COPZ2: variants seen among roughly 807,000 people sequenced by gnomAD.
COPZ2 encodes the protein coat protein complex I subunit zeta 2.
A neutral mutation model predicts 33.2 loss-of-function variants in COPZ2; 30 were observed. The ratio of observed to expected loss-of-function variants is 0.90; its 90% confidence interval spans 0.68 to 1.23. The LOEUF (loss-of-function observed/expected upper bound fraction) is 1.23. COPZ2 is among the 50% of genes most tolerant of loss of function. The probability of loss-of-function intolerance (pLI) is 0.00; values close to 1 mark genes in which losing one functional copy is unlikely to be tolerated. For synonymous variants in COPZ2, 89 were observed against 102.6 expected (o/e 0.87, Z 0.80); for missense variants, 263 against 262.4 (o/e 1.00, Z -0.02).
rs1344601842 is a variant in COPZ2 at position 48,032,225 on chromosome 17, A to T, written c.425T>A (p.Val142Glu). The T allele has an allele frequency of 6.2e-7, 1 of 1,612,210 alleles. No individual in the cohort carries two copies. The highest frequency in any genetic ancestry group is 8.5e-7 in the Non-Finnish European group (1 of 1,179,256). Residue 142 changes from valine (V) to glutamate (E), a missense_variant, in exon 6 of 9, where the codon GTG becomes GAG. Physicochemically the swap from Val to Glu is moderately radical, Grantham distance 121. Transcript: ENST00000621465. ...ESLNHMLRKN[V>E]EKRWLLENMD... ...GTTCTCCAGCAACCAGCGCTTCTCCACGTTCTTCCTGAAGGTGGACACAAG... is the reference window on the plus strand; with the variant it reads ...GTTCTCCAGCAACCAGCGCTTCTCCTCGTTCTTCCTGAAGGTGGACACAAG...
At chr17:48,033,625 TAG>T (rs1205681580) in intron 3 of COPZ2, among the ~76,000 whole-genome samples, 1 of 151,932 alleles carries the variant, frequency 6.6e-6, no homozygotes, top group Non-Finnish European at 1.5e-5. Flanking sequence ...CCTCCTCAGC[TAG>T]AGAGAGGCCT....
In COPZ2 at chr17:48,028,858, G is replaced by T. The variant is rs2036852008; in HGVS notation, c.546+267C>A. 6.6e-6 allele frequency among the ~76,000 whole-genome samples: 1 copy of T among 152,150 alleles called. No individual in the cohort carries two copies. Among genetic ancestry groups the T allele is most frequent in the Non-Finnish European group, 1.5e-5 (1 of 68,026 alleles). On this transcript the variant is annotated intron_variant, in intron 7 of 8. Transcript: ENST00000621465. The surrounding 1 kb of genome is among the most constrained non-coding windows in gnomAD (Gnocchi z 4.5). ...AGCCACCTAGTGCCTCTTTGAAGAT[G>T]TATTTATTTCCCCAGTCTATACTTC... is the stretch of plus-strand genomic sequence containing the variant.
chr17:48,037,560 TC>T lies in COPZ2; in HGVS notation c.111+106del. The T allele has an allele frequency of 1.0e-6, 1 of 971,746 alleles. No individual in the cohort carries two copies. Among genetic ancestry groups the T allele is most frequent in the Non-Finnish European group, 1.2e-6 (1 of 802,704 alleles). The allele number at this position is 971,746 out of a possible 1,614,324, so 60.2% of individuals were successfully genotyped here. The stretch of plus-strand genomic sequence containing the variant: ...GGGCCAGTCAGGGGTGACACAAAGT[TC>T]CCAGCCGCCGGGCGCGCGAGTTCTG... On this transcript the variant is annotated intron_variant, in intron 1 of 8. Transcript: ENST00000621465. This position sits in a 1 kb window ranked among gnomAD's most constrained non-coding sequence, Gnocchi z 5.6.
At chr17:48,044,784 A>C in the COPZ2 span, among the ~76,000 whole-genome samples, 1 of 151,998 alleles carries the variant, frequency 6.6e-6, no homozygotes, top group Non-Finnish European at 1.5e-5. Flanking sequence ...AAACTAATTG[A>C]TTTCTTTGCA....
At chr17:48,026,516 TCAA>T in intron 8 of COPZ2, 41 bp from the exon 9 acceptor site, 2 of 1,442,490 alleles carry the variant, frequency 1.4e-6, no homozygotes, top group Non-Finnish European at 2.0e-6. Flanking sequence ...ATTGAGAATG[TCAA>T]ATGCCTCCAT....
intron 2 of COPZ2, among the ~76,000 whole-genome samples, chr17:48,036,358 G>A (rs149800983): frequency 2.8e-4 from 43 of 152,330 alleles, no homozygotes; most frequent in Admixed American, 1.2e-3. Flanking sequence ...AACTCACTTA[G>A]CTTCTCTACC....
At chr17:48,038,357 C>T (rs1423332740), upstream of COPZ2, among the ~76,000 whole-genome samples, 1 of 152,188 alleles carries the variant, frequency 6.6e-6, no homozygotes, top group Non-Finnish European at 1.5e-5. Context: ...AGATATGGCA[C>T]CATCAGAAGC....
At chr17:48,030,405 G>A (rs1284620790) in intron 6 of COPZ2, among the ~76,000 whole-genome samples, 3 of 151,988 alleles carry the variant, frequency 2.0e-5, no homozygotes, top group African/African-American at 7.3e-5. Flanking sequence ...GCGCTCCTTC[G>A]TGAGGCCTTG....
chr17:48,029,207 A>T (rs2036856994), intron 6 of COPZ2, 31 bp from the exon 7 acceptor site: 1 of 1,554,716 alleles, frequency 6.4e-7, no homozygotes, highest in East Asian at 2.4e-5. Context: ...CCAGGAGGCA[A>T]ATCAGTGGCA....
At position 48,037,020 on chromosome 17, in the gene COPZ2, C is replaced by T. The variant is rs1477985390; in HGVS notation, c.112-95G>A. On this transcript the variant is annotated intron_variant, in intron 1 of 8. Coordinates refer to ENST00000621465, the MANE Select transcript of COPZ2 (RefSeq NM_016429.4). The surrounding 1 kb of genome is among the most constrained non-coding windows in gnomAD (Gnocchi z 5.6). ...CTGGCCCTAGGATACATCCTCAGGC[C>T]CCAGCAACCCCAGTCCTCAAGGTCC... is the stretch of plus-strand genomic sequence containing the variant. 9.4e-7 allele frequency: 1 copy of T among 1,064,360 alleles called. No homozygotes were observed. Among genetic ancestry groups the T allele is most frequent in the Non-Finnish European group, 1.5e-6 (1 of 688,370 alleles). 65.9% of individuals were successfully genotyped at this position (1,064,360 alleles called of 1,614,324 possible).
In COPZ2 at chr17:48,037,245, A is replaced by G; in HGVS notation, c.112-320T>C. 3.4e-6 allele frequency: 2 copies of G among 591,982 alleles called. No individual in the cohort carries two copies. Among genetic ancestry groups the G allele is most frequent in the East Asian group, 3.8e-5 (1 of 26,396 alleles). 36.7% of individuals were successfully genotyped at this position (591,982 alleles called of 1,614,324 possible). A position where few individuals can be genotyped will look rare whatever the true frequency, so the allele number is the denominator to read the frequency against. On this transcript the variant is annotated intron_variant, in intron 1 of 8. Coordinates refer to ENST00000621465, the MANE Select transcript of COPZ2 (RefSeq NM_016429.4). The surrounding 1 kb of genome is among the most constrained non-coding windows in gnomAD (Gnocchi z 5.6). ...TATCACAGAACCTGGGCCGGGGGGG[A>G]CAGCGGGCCGAGCCTCCTTCTTCCA...
the COPZ2 span, chr17:48,048,025 T>C: frequency 4.6e-5 from 7 of 152,422 alleles, no homozygotes; most frequent in Admixed American, 3.9e-4. Flanking sequence ...CCAACCTGGA[T>C]ACTTCACCCA....
rs151252314 is a variant in COPZ2, at chr17:48,031,419, G to A, written c.494+737C>T. Among the ~76,000 whole-genome samples, 9 of 149,286 alleles carry A rather than the reference G, an allele frequency of 6.0e-5. No homozygotes were observed. The East Asian group carries it at 1.8e-3, about 29-fold the overall frequency. On this transcript the variant is annotated intron_variant, in intron 6 of 8. Coordinates refer to ENST00000621465, the MANE Select transcript of COPZ2 (RefSeq NM_016429.4). ...GTGAGCCGAGATCACGCCACTTACTGCACACCAGCCTGGGTGACAGAGCGA... is the reference window on the plus strand; with the variant it reads ...GTGAGCCGAGATCACGCCACTTACTACACACCAGCCTGGGTGACAGAGCGA...
At chr17:48,047,109 C>T in the COPZ2 span, 1 of 152,022 alleles carries the variant, frequency 6.6e-6, no homozygotes, top group Non-Finnish European at 1.5e-5. Context: ...TGCAAACCAC[C>T]CCAAATTAAG....
intron 6 of COPZ2, chr17:48,029,455 G>C (rs896278520): frequency 4.0e-6 from 2 of 497,672 alleles, no homozygotes; most frequent in Admixed American, 4.1e-5. Context: ...AGGATGATCA[G>C]GTTGTCAAAA....
chr17:48,036,998 GC>G (rs2036994331), intron 1 of COPZ2, 73 bp from the exon 2 acceptor site: 1 of 1,328,936 alleles, frequency 7.5e-7, no homozygotes, highest in East Asian at 2.3e-5. Context: ...GGATCTGCTG[GC>G]CCTAGGATAC....
At position 48,030,331 on chromosome 17, in the gene COPZ2, A is replaced by ACACACAC. The variant is rs1555571321; in HGVS notation, c.495-1156_495-1155insGTGTGTG. Reference sequence around the variant, plus strand: ...ACACACACACACACACACACACACAAAGAAACAAACAAAAAAATTCCCTTT... The same window carrying ACACACAC: ...ACACACACACACACACACACACACAACACACACAGAAACAAACAAAAAAATTCCCTTT... On this transcript the variant is annotated intron_variant, in intron 6 of 8. Coordinates refer to ENST00000621465, the MANE Select transcript of COPZ2 (RefSeq NM_016429.4). Among the ~76,000 whole-genome samples, 496 of 111,880 alleles carry ACACACAC rather than the reference A, an allele frequency of 4.4e-3. 4 individuals are homozygous for ACACACAC. Among genetic ancestry groups the ACACACAC allele is most frequent in the South Asian group, 0.014 (45 of 3,124 alleles). The allele number at this position is 111,880 out of a possible 152,430, so 73.4% of individuals were successfully genotyped here.
In COPZ2 at chr17:48,032,649, G is replaced by A. The variant is rs747769862; in HGVS notation, c.416+37C>T. 3.9e-6 allele frequency: 6 copies of A among 1,530,122 alleles called. No individual in the cohort carries two copies. In the East Asian group the frequency reaches 9.5e-5, roughly 24 times the overall value. The allele number at this position is 1,530,122 out of a possible 1,614,324, so 94.8% of individuals were successfully genotyped here. A position where few individuals can be genotyped will look rare whatever the true frequency, so the allele number is the denominator to read the frequency against. On this transcript the variant is annotated intron_variant, in intron 5 of 8. Coordinates refer to ENST00000621465, the MANE Select transcript of COPZ2 (RefSeq NM_016429.4). ...GGGTCCTGTGACATATCAGGGCCAG[G>A]GGGATGGGGCCTCGGAGGGCAGAGA...
chr17:48,026,772 G>A (rs2036823613), intron 8 of COPZ2, among the ~76,000 whole-genome samples: 1 of 152,278 alleles, frequency 6.6e-6, no homozygotes, highest in Admixed American at 6.5e-5. Context: ...TGCCATGAGA[G>A]TTCCCGCCCA....
Sources: allele counts gnomAD v4.1 joint callset (sites outside exome capture counted in the v4.1 genomes callset), GRCh38; gene constraint gnomAD v4.1.1; non-coding constraint Gnocchi (gnomAD v3.1); transcripts MANE v1.5; gene names NCBI Gene and HGNC (gene_info 2026-07-23, HGNC 2026-07-21).